CDH13: variants seen among roughly 807,000 people sequenced by gnomAD.
The protein encoded by CDH13 is cadherin-13.
In CDH13, 24 loss-of-function variants were observed where a neutral mutation model predicts 63.8. The observed-to-expected ratio is 0.38, with a 90% CI of 0.27 to 0.53. The LOEUF (loss-of-function observed/expected upper bound fraction) is 0.53. Among genes scored for constraint, CDH13 ranks in the 20% least tolerant of loss-of-function variants. The pLI, the probability that CDH13 is intolerant of heterozygous loss-of-function variation, is 0.85. For missense variants in CDH13, 1,049 were observed against 903.1 expected (o/e 1.16, Z -2.07); for synonymous variants, 503 against 355.3 (o/e 1.42, Z -4.67).
rs567131922 is a variant in CDH13 at position 82,931,879 on chromosome 16, C to G, written c.157+73406C>G. Among the ~76,000 whole-genome samples, 4 of 152,264 alleles carry G rather than the reference C, an allele frequency of 2.6e-5. No individual in the cohort carries two copies. In the East Asian group the frequency reaches 7.7e-4, roughly 29 times the overall value. On this transcript the variant is annotated intron_variant, in intron 2 of 13. Coordinates refer to ENST00000567109, the MANE Select transcript of CDH13 (RefSeq NM_001257.5). ...TGTGGGAATTATGGGAGCTACAATT[C>G]AAGATGAGATTTGGGTGAGGACACA... is the stretch of plus-strand genomic sequence containing the variant.
chr16:82,707,436 G>T (rs928841958), intron 1 of CDH13, among the ~76,000 whole-genome samples: 16 of 152,232 alleles, frequency 1.1e-4, no homozygotes, highest in African/African-American at 3.9e-4. Context: ...TACAGAAGGA[G>T]TAAGAAGTAT....
At chr16:83,063,868 G>A (rs1283455678) in intron 3 of CDH13, among the ~76,000 whole-genome samples, 1 of 152,080 alleles carries the variant, frequency 6.6e-6, no homozygotes, top group Non-Finnish European at 1.5e-5. Flanking sequence ...CAACTTCAAA[G>A]GCAATTGTGT....
intron 10 of CDH13, among the ~76,000 whole-genome samples, chr16:83,720,772 C>T (rs1440204990): frequency 6.6e-6 from 1 of 152,190 alleles, no homozygotes; most frequent in African/African-American, 2.4e-5. Context: ...TTGATGCAAT[C>T]CCAAACCCAG....
At chr16:83,781,888 A>G (rs1045396263) in intron 12 of CDH13, among the ~76,000 whole-genome samples, 1 of 151,938 alleles carries the variant, frequency 6.6e-6, no homozygotes, top group Non-Finnish European at 1.5e-5. Context: ...TACCTATGTA[A>G]CAAACCTGCA....
chr16:82,885,433 A>AC (rs1282517235), intron 2 of CDH13, among the ~76,000 whole-genome samples: 26 of 67,478 alleles, frequency 3.9e-4, no homozygotes, highest in Admixed American at 2.9e-3. Context: ...TACACCTCCC[A>AC]CCCCCCCACC....
intron 2 of CDH13, among the ~76,000 whole-genome samples, chr16:83,005,348 C>A (rs1296013917): frequency 6.6e-6 from 1 of 152,150 alleles, no homozygotes; most frequent in African/African-American, 2.4e-5. Context: ...ACTCTTTCTC[C>A]CTGTTCATTC....
intron 13 of CDH13, among the ~76,000 whole-genome samples, chr16:83,785,171 C>T (rs560284519): frequency 3.9e-5 from 6 of 152,156 alleles, no homozygotes; most frequent in African/African-American, 1.4e-4. Flanking sequence ...TTAGTCCATT[C>T]GGGCTACTAT....
intron 2 of CDH13, among the ~76,000 whole-genome samples, chr16:83,001,681 G>C (rs72794153): frequency 0.1 from 15,509 of 152,242 alleles, 879 homozygotes; most frequent in African/African-American, 0.16. Flanking sequence ...TTGTCAGAAG[G>C]GGTTCTGTGT....
At chr16:82,751,202 A>G (rs2034399622) in intron 1 of CDH13, among the ~76,000 whole-genome samples, 2 of 152,234 alleles carry the variant, frequency 1.3e-5, no homozygotes, top group Non-Finnish European at 2.9e-5. Context: ...AGAGAAGGGC[A>G]GATTCATGGG....
rs558919904 is a variant in CDH13, at chr16:83,466,954, C to T, written c.782-19523C>T. 1.4e-3 allele frequency among the ~76,000 whole-genome samples: 207 copies of T among 152,246 alleles called. 1 individual carries two copies. The highest frequency in any genetic ancestry group is 0.012 in the South Asian group (59 of 4,812). Reference sequence around the variant, plus strand: ...GGCAGTACCCCACCATCTAGACTGCCGACTAACTTCTCTCCTCCTGATAGT... The same window carrying T: ...GGCAGTACCCCACCATCTAGACTGCTGACTAACTTCTCTCCTCCTGATAGT... On this transcript the variant is annotated intron_variant, in intron 6 of 13. Coordinates refer to ENST00000567109, the MANE Select transcript of CDH13 (RefSeq NM_001257.5).
At chr16:83,195,281 T>C (rs1211944686) in intron 4 of CDH13, among the ~76,000 whole-genome samples, 3 of 152,172 alleles carry the variant, frequency 2.0e-5, no homozygotes, top group Admixed American at 6.5e-5. Context: ...CATGATATAA[T>C]ATGTGTATTA....
chr16:82,647,820 G>C (rs1910276295), intron 1 of CDH13, among the ~76,000 whole-genome samples: 1 of 152,136 alleles, frequency 6.6e-6, no homozygotes, highest in African/African-American at 2.4e-5. Flanking sequence ...TGTCTAATGT[G>C]GTAAGTATCT....
At chr16:82,994,617 T>C (rs1332344824) in intron 2 of CDH13, among the ~76,000 whole-genome samples, 2 of 152,194 alleles carry the variant, frequency 1.3e-5, no homozygotes, top group Non-Finnish European at 2.9e-5. Flanking sequence ...TATTCACTTA[T>C]TTTCCCTCTT....
chr16:83,782,778 T>C (rs557570262), intron 12 of CDH13, among the ~76,000 whole-genome samples: 23 of 150,588 alleles, frequency 1.5e-4, no homozygotes, highest in African/African-American at 5.1e-4. Flanking sequence ...ATGTAGGCTA[T>C]AGAACCCATC....
At chr16:83,282,051 T>C (rs2089190946) in intron 5 of CDH13, among the ~76,000 whole-genome samples, 1 of 152,128 alleles carries the variant, frequency 6.6e-6, no homozygotes, top group Non-Finnish European at 1.5e-5. Context: ...AATTTAAATA[T>C]TGTGATATCT....
At chr16:82,837,409 A>G (rs1016175910) in intron 1 of CDH13, among the ~76,000 whole-genome samples, 2 of 150,500 alleles carry the variant, frequency 1.3e-5, no homozygotes, top group Non-Finnish European at 3.0e-5. Flanking sequence ...GGTCCCCAAG[A>G]CCACCCCCAG....
intron 1 of CDH13, among the ~76,000 whole-genome samples, chr16:82,764,795 CTTCA>C (rs1868751601): frequency 6.7e-6 from 1 of 150,206 alleles, no homozygotes; most frequent in African/African-American, 2.4e-5. Flanking sequence ...GTCCCTTCAT[CTTCA>C]TTCATTTCAT....
intron 4 of CDH13, among the ~76,000 whole-genome samples, chr16:83,150,184 G>A (rs549682795): frequency 6.6e-6 from 1 of 152,264 alleles, no homozygotes; most frequent in Non-Finnish European, 1.5e-5. Context: ...GTCCCTTTGT[G>A]TTGATGCTTG....
intron 3 of CDH13, among the ~76,000 whole-genome samples, chr16:83,040,677 T>G (rs1437580422): frequency 6.6e-6 from 1 of 152,198 alleles, no homozygotes; most frequent in Non-Finnish European, 1.5e-5. Context: ...ACTCACATGT[T>G]AATATCCTTT....
Sources: gnomAD v4.1 joint callset for allele counts (sites outside exome capture counted in the v4.1 genomes callset) on GRCh38, gnomAD v4.1.1 for gene constraint, MANE v1.5 for transcripts, NCBI Gene and HGNC (gene_info 2026-07-23, HGNC 2026-07-21) for gene names.